ASH1L: variants seen among roughly 807,000 people sequenced by gnomAD.
ASH1L encodes ASH1 like histone lysine methyltransferase.
ASH1L carries 23 observed loss-of-function variants against 269.0 expected under a neutral mutation model. The ratio of observed to expected loss-of-function variants is 0.09; its 90% CI spans 0.06 to 0.12. ASH1L has a LOEUF of 0.12. ASH1L is among the 10% of genes least tolerant of loss of function. The probability of loss-of-function intolerance (pLI) is 1.00; values close to 1 mark genes in which losing one functional copy is unlikely to be tolerated. For missense variants in ASH1L, 2,912 were observed against 3,567.8 expected, an observed-to-expected ratio of 0.82 and a Z score of 4.68; for synonymous variants, 1,187 against 1,253.5, an observed-to-expected ratio of 0.95 and a Z score of 1.12.
intron 1 of ASH1L, among the ~76,000 whole-genome samples, chr1:155,531,790 A>G (rs1331967016): frequency 1.3e-5 from 2 of 152,208 alleles, no homozygotes; most frequent in African/African-American, 4.8e-5. Context: ...AACCCCACAT[A>G]CCAAATTTAA....
intron 3 of ASH1L, among the ~76,000 whole-genome samples, chr1:155,474,306 T>G (rs889228565): frequency 1.4e-4 from 22 of 152,302 alleles, no homozygotes; most frequent in Non-Finnish European, 2.6e-4. Context: ...GGAAATGCTC[T>G]TATCTCCAGG....
chr1:155,505,877 T>A (rs908151835), intron 2 of ASH1L, among the ~76,000 whole-genome samples: 2 of 152,188 alleles, frequency 1.3e-5, no homozygotes, highest in Non-Finnish European at 2.9e-5. Flanking sequence ...CTAGGGTACA[T>A]GTGTACAACG....
At chr1:155,509,654 C>T (rs1266972171) in intron 2 of ASH1L, among the ~76,000 whole-genome samples, 1 of 152,098 alleles carries the variant, frequency 6.6e-6, no homozygotes. Context: ...CAAAAATTAG[C>T]TGGGCATGAT....
chr1:155,562,159 G>GGAGGCCGAGGCC lies in ASH1L; in HGVS notation c.-118_-107dup, dbSNP rs759557203. On this transcript the variant is annotated 5_prime_UTR_variant, in exon 1 of 28. Coordinates refer to ENST00000392403, the MANE Select transcript of ASH1L (RefSeq NM_018489.3). ...CCCAAATCGTTCTACTCACCGTGTC[G>GGAGGCCGAGGCC]GAGGCCGAGGCCGAGGCCGAGAGCG... is the stretch of plus-strand genomic sequence containing the variant. 3.8e-6 allele frequency: 6 copies of GGAGGCCGAGGCC among 1,576,484 alleles called. No individual in the cohort carries two copies. Among genetic ancestry groups the GGAGGCCGAGGCC allele is most frequent in the Non-Finnish European group, 5.2e-6 (6 of 1,151,054 alleles).
chr1:155,477,657 A>G (rs1462733755), intron 3 of ASH1L, among the ~76,000 whole-genome samples: 1 of 152,118 alleles, frequency 6.6e-6, no homozygotes, highest in African/African-American at 2.4e-5. Context: ...AGTTATGTAT[A>G]TTTCTTTCTT....
chr1:155,560,506 G>C (rs1671888118), intron 1 of ASH1L, among the ~76,000 whole-genome samples: 1 of 152,100 alleles, frequency 6.6e-6, no homozygotes, highest in African/African-American at 2.4e-5. Context: ...ACAATTACCA[G>C]AACCCAAAAA....
intron 2 of ASH1L, among the ~76,000 whole-genome samples, chr1:155,510,187 G>A (rs964176729): frequency 5.9e-5 from 9 of 151,884 alleles, no homozygotes; most frequent in Middle Eastern, 3.2e-3. Context: ...AGGCTGAGGC[G>A]GACGGATCAC....
At chr1:155,510,638 C>T (rs1668105929) in intron 2 of ASH1L, among the ~76,000 whole-genome samples, 1 of 151,938 alleles carries the variant, frequency 6.6e-6, no homozygotes, top group African/African-American at 2.4e-5. Flanking sequence ...CTGGAAGATA[C>T]CAAAGATAGC....
Position 155,451,295 on chromosome 1 carries a change from G to A in ASH1L, c.5086+8502C>T, listed in dbSNP as rs966117773. Among the ~76,000 whole-genome samples the A allele has an allele frequency of 6.6e-5, 10 of 151,944 alleles. No homozygotes were observed. The East Asian group carries it at 9.6e-4, about 15-fold the overall frequency. On this transcript the variant is annotated intron_variant, in intron 4 of 27. Transcript: ENST00000392403. ...AGCCAGTCACAAAAAAACAAACACCGTATGGTTCCACTTTAGTGGGTGATT... is the reference window on the plus strand; with the variant it reads ...AGCCAGTCACAAAAAAACAAACACCATATGGTTCCACTTTAGTGGGTGATT...
In ASH1L at chr1:155,438,652, GT is replaced by G. The variant is rs1662293206; in HGVS notation, c.5502del (p.Lys1834AsnfsTer13). On this transcript the variant is annotated frameshift_variant, in exon 5 of 28. Coordinates refer to ENST00000392403, the MANE Select transcript of ASH1L (RefSeq NM_018489.3). LOFTEE classifies it high-confidence loss of function. ...DHVNKILKAKKLQRQARTGNN... is the reference protein window; with the variant it reads ...DHVNKILKAKXLQRQARTGNN... ...TTCCCTGTCCTGGCCTGCCTTTGAA[GT>G]TTTTTGGCTTTTAAGATTTTATTGA... 6.2e-7 allele frequency: 1 copy of G among 1,614,080 alleles called. No homozygotes were observed. Among genetic ancestry groups the G allele is most frequent in the Non-Finnish European group, 8.5e-7 (1 of 1,180,042 alleles).
intron 10 of ASH1L, 126 bp from the exon 11 acceptor site, chr1:155,371,109 G>A (rs1011893707): frequency 7.7e-5 from 58 of 757,204 alleles, no homozygotes; most frequent in Middle Eastern, 2.7e-4. Context: ...AAAAGTACCC[G>A]AATCACTAAG....
intron 25 of ASH1L, among the ~76,000 whole-genome samples, chr1:155,341,024 T>C (rs1036241459): frequency 1.3e-5 from 2 of 152,112 alleles, no homozygotes; most frequent in Admixed American, 1.3e-4. Flanking sequence ...CAAGCTGGAG[T>C]GCAATGGCGC....
At chr1:155,422,201 G>A (rs113521166) in intron 5 of ASH1L, among the ~76,000 whole-genome samples, 1,543 of 151,898 alleles carry the variant, frequency 0.01, 38 homozygotes, top group African/African-American at 0.036. Flanking sequence ...GCAGTGGCAC[G>A]ATCTCGGCTC....
intron 21 of ASH1L, among the ~76,000 whole-genome samples, chr1:155,345,174 CTTTTTTTTTTT>C (rs397981613): frequency 6.2e-5 from 4 of 64,022 alleles, no homozygotes; most frequent in African/African-American, 1.9e-4. Flanking sequence ...CCAGGATGGT[CTTTTTTTTTTT>C]TTTTTTTTTT....
intron 21 of ASH1L, among the ~76,000 whole-genome samples, chr1:155,344,769 A>C (rs532310308): frequency 2.0e-5 from 3 of 152,292 alleles, no homozygotes; most frequent in African/African-American, 7.2e-5. Flanking sequence ...CACAGAACCC[A>C]CTTAATGACT....
intron 5 of ASH1L, among the ~76,000 whole-genome samples, chr1:155,416,829 G>A (rs952308322): frequency 1.3e-5 from 2 of 151,694 alleles, no homozygotes; most frequent in South Asian, 4.2e-4. Context: ...ACTGTGCCCA[G>A]CCCCACCTTG....
intron 4 of ASH1L, among the ~76,000 whole-genome samples, chr1:155,448,688 G>C (rs562561683): frequency 6.6e-6 from 1 of 151,990 alleles, no homozygotes; most frequent in Non-Finnish European, 1.5e-5. Flanking sequence ...GTAGAGACTG[G>C]GTTTCACCAT....
chr1:155,481,019 T>A lies in ASH1L; in HGVS notation c.1851A>T (p.Ser617=). ...ATTCAATACTTATACTATGACCAAC[T>A]GACCTATGACCAACGTTCAAGTGGG... ...ESTHLNVGHR[S]VGHSISIECK... The change falls in exon 3 of 28, where the codon TCA becomes TCT. Residue 617 remains serine, a synonymous_variant. Coordinates refer to ENST00000392403, the MANE Select transcript of ASH1L (RefSeq NM_018489.3). The A allele has an allele frequency of 6.2e-7, 1 of 1,614,016 alleles. No homozygotes were observed. Among genetic ancestry groups the A allele is most frequent in the Non-Finnish European group, 8.5e-7 (1 of 1,179,960 alleles).
At chr1:155,551,400 C>G (rs549289890) in intron 1 of ASH1L, among the ~76,000 whole-genome samples, 3 of 152,204 alleles carry the variant, frequency 2.0e-5, no homozygotes. Context: ...GTGGCTCACG[C>G]CTGTAATCCC....
Sources: allele counts gnomAD v4.1 joint callset (sites outside exome capture counted in the v4.1 genomes callset), GRCh38; gene constraint gnomAD v4.1.1; transcripts MANE v1.5; gene names NCBI Gene and HGNC (gene_info 2026-07-23, HGNC 2026-07-21).